Variants in UBXN8 observed in about 807,000 individuals in gnomAD.
UBXN8 encodes UBX domain-containing protein 8.
A neutral mutation model predicts 32.1 loss-of-function variants in UBXN8; 27 were observed. The ratio of observed to expected loss-of-function variants is 0.84; its 90% CI spans 0.62 to 1.16. The LOEUF is 1.16. Ranked by LOEUF, UBXN8 falls within the 50% of genes most tolerant of loss-of-function variation. UBXN8 has a pLI of 0.00. For synonymous variants in UBXN8, 109 were observed against 111.8 expected, an observed-to-expected ratio of 0.98 and a Z score of 0.16; for missense variants, 306 against 311.4, an observed-to-expected ratio of 0.98 and a Z score of 0.13.
rs892030275 is a variant in UBXN8 at position 30,733,623 on chromosome 8, G to A, written c.622+315G>A. Among the ~76,000 whole-genome samples the A allele has an allele frequency of 6.6e-5, 10 of 152,260 alleles. No homozygotes were observed. The East Asian group carries it at 1.9e-3, about 29-fold the overall frequency. On this transcript the variant is annotated intron_variant, in intron 1 of 1. Transcript: ENST00000522968. ...CCTGCTCCCTCAAGCACCTGATCTT[G>A]TACCTACTTATTCTAAAGAGGAAAA...
At chr8:30,737,563 G>T (rs953573202) in intron 1 of UBXN8, among the ~76,000 whole-genome samples, 2 of 152,142 alleles carry the variant, frequency 1.3e-5, no homozygotes, top group Non-Finnish European at 2.9e-5. Context: ...CATATTTATT[G>T]TTCATTGGAT....
In UBXN8 at chr8:30,751,613, T is replaced by G. The variant is rs984970476; in HGVS notation, c.211+95T>G. 8.5e-6 allele frequency: 9 copies of G among 1,060,278 alleles called. No individual in the cohort carries two copies. The African/African-American group carries it at 1.4e-4, about 17-fold the overall frequency. The allele number at this position is 1,060,278 out of a possible 1,614,324, so 65.7% of individuals were successfully genotyped here. ...AGTAAGAGCCATTTTACTATTAATT[T>G]GTGATGTGTAGTTTCAGGGAGAGTA... On this transcript the variant is annotated intron_variant, in intron 2 of 7. Transcript: ENST00000265616.
intron 1 of UBXN8, chr8:30,733,377 T>C (rs796510092): frequency 8.5e-5 from 13 of 152,314 alleles, no homozygotes; most frequent in African/African-American, 2.9e-4. Flanking sequence ...TGGAGCATTA[T>C]ATAAAGAAAA....
At chr8:30,749,323 G>C (rs1255448638) in intron 1 of UBXN8, among the ~76,000 whole-genome samples, 1 of 151,298 alleles carries the variant, frequency 6.6e-6, no homozygotes, top group East Asian at 1.9e-4. Context: ...AACCCAGGAG[G>C]CAGAGGTTGC....
At chr8:30,729,770 G>T (rs1804907349), upstream of UBXN8, among the ~76,000 whole-genome samples, 1 of 152,180 alleles carries the variant, frequency 6.6e-6, no homozygotes, top group African/African-American at 2.4e-5. Context: ...CATTAGAAGT[G>T]GGTTGGCCAT....
upstream of UBXN8, among the ~76,000 whole-genome samples, chr8:30,729,714 A>G (rs1024371741): frequency 1.3e-5 from 2 of 152,218 alleles, no homozygotes; most frequent in Non-Finnish European, 2.9e-5. Flanking sequence ...TGGGGTTACT[A>G]TGACACCAGG....
intron 1 of UBXN8, among the ~76,000 whole-genome samples, chr8:30,738,160 A>T (rs1805108767): frequency 1.3e-5 from 2 of 152,094 alleles, no homozygotes; most frequent in African/African-American, 4.8e-5. Flanking sequence ...CTTAGGACAC[A>T]GAAAGCAATA....
At chr8:30,753,900 G>A (rs761723457) in intron 3 of UBXN8, among the ~76,000 whole-genome samples, 7 of 151,510 alleles carry the variant, frequency 4.6e-5, no homozygotes, top group Non-Finnish European at 8.8e-5. Flanking sequence ...AGCTTCCTGG[G>A]TAGCTGGAAC....
At chr8:30,760,017 A>G (rs1333390451) in intron 5 of UBXN8, among the ~76,000 whole-genome samples, 2 of 146,986 alleles carry the variant, frequency 1.4e-5, no homozygotes, top group Non-Finnish European at 3.0e-5. Context: ...TAAAATATGT[A>G]TATGTTTGAA....
At chr8:30,746,521 TTTTTC>T (rs1482512154) in intron 1 of UBXN8, among the ~76,000 whole-genome samples, 2 of 136,706 alleles carry the variant, frequency 1.5e-5, no homozygotes, top group African/African-American at 5.7e-5. Flanking sequence ...CTAGATTTTT[TTTTTC>T]TTTTTTTTTT....
chr8:30,738,097 TAA>T (rs10711833), intron 1 of UBXN8, among the ~76,000 whole-genome samples: 2,009 of 144,340 alleles, frequency 0.014, 23 homozygotes, highest in African/African-American at 0.036. Flanking sequence ...TGTGTCTATT[TAA>T]AAAAAAAAAA....
intron 1 of UBXN8, among the ~76,000 whole-genome samples, chr8:30,745,340 G>C (rs553950107): frequency 6.6e-6 from 1 of 152,272 alleles, no homozygotes; most frequent in African/African-American, 2.4e-5. Context: ...TAGGTATTTG[G>C]TAGTGCTACT....
At chr8:30,737,200 G>A (rs2128751902) in intron 1 of UBXN8, among the ~76,000 whole-genome samples, 1 of 142,288 alleles carries the variant, frequency 7.0e-6, no homozygotes, top group Middle Eastern at 3.6e-3. Context: ...TGTTTCTGTT[G>A]ATTGATTTTT....
At chr8:30,750,372 C>A (rs919855632) in intron 1 of UBXN8, among the ~76,000 whole-genome samples, 1 of 151,856 alleles carries the variant, frequency 6.6e-6, no homozygotes, top group African/African-American at 2.4e-5. Context: ...CTTGGGGGCA[C>A]TAAGGCAGGA....
intron 4 of UBXN8, 142 bp downstream of exon 4, chr8:30,754,929 G>A: frequency 1.3e-6 from 1 of 784,628 alleles, no homozygotes; most frequent in Non-Finnish European, 1.8e-6. Context: ...CAGCATACTT[G>A]TTTATTACAT....
chr8:30,731,173 G>A (rs1034234601), upstream of UBXN8, among the ~76,000 whole-genome samples: 1 of 152,222 alleles, frequency 6.6e-6, no homozygotes, highest in African/African-American at 2.4e-5. Context: ...CAGACAAGGA[G>A]GAAGGGGCCC....
At chr8:30,738,544 C>G (rs532360692) in intron 1 of UBXN8, among the ~76,000 whole-genome samples, 2 of 151,770 alleles carry the variant, frequency 1.3e-5, no homozygotes, top group Non-Finnish European at 2.9e-5. Flanking sequence ...GCCTGTAGTC[C>G]CAGCTACTCA....
At position 30,759,022 on chromosome 8, in the gene UBXN8, T is replaced by C. The variant is rs1324999119; in HGVS notation, c.529-1866T>C. 6.2e-4 allele frequency among the ~76,000 whole-genome samples: 93 copies of C among 151,066 alleles called. 1 individual carries two copies. The highest frequency in any genetic ancestry group is 2.2e-3 in the African/African-American group (89 of 41,126). On this transcript the variant is annotated intron_variant, in intron 5 of 7. Coordinates refer to ENST00000265616, the MANE Select transcript of UBXN8 (RefSeq NM_005671.4). ...CATTCTCCTGCCTCAGCCTCCCGGG[T>C]AGCTGGGACTACAGGTGCCCGCCAC...
chr8:30,751,292 T>C (rs1001413652), intron 1 of UBXN8, 104 bp from the exon 2 acceptor site: 56 of 934,024 alleles, frequency 6.0e-5, no homozygotes, highest in Middle Eastern at 3.0e-4. Context: ...GGCAGGAGGA[T>C]CACGTGAGCT....
Sources: gnomAD v4.1 joint callset for allele counts (sites outside exome capture counted in the v4.1 genomes callset) on GRCh38, gnomAD v4.1.1 for gene constraint, MANE v1.5 for transcripts, NCBI Gene and HGNC (gene_info 2026-07-23, HGNC 2026-07-21) for gene names.